Variants in COQ2 observed in about 807,000 individuals in gnomAD.
The protein encoded by COQ2 is coenzyme Q2, polyprenyltransferase.
In COQ2, 25 loss-of-function variants were observed where a neutral mutation model predicts 35.7. That is an observed-to-expected ratio of 0.70 (90% CI 0.51 to 0.98). The LOEUF is 0.98. Ranked by LOEUF, COQ2 falls within the 50% of genes least tolerant of loss-of-function variation. The probability of loss-of-function intolerance (pLI) is 0.00; values close to 1 mark genes in which losing one functional copy is unlikely to be tolerated. For synonymous variants in COQ2, 206 were observed against 186.2 expected, an observed-to-expected ratio of 1.11 and a Z score of -0.86; for missense variants, 488 against 473.5, an observed-to-expected ratio of 1.03 and a Z score of -0.28.
chr4:83,280,540 T>G, intron 1 of COQ2, among the ~76,000 whole-genome samples: 1 of 152,240 alleles, frequency 6.6e-6, no homozygotes, highest in Non-Finnish European at 1.5e-5. Flanking sequence ...GAAAGGGGGC[T>G]TCTGCCTTCA....
chr4:83,264,830 T>C (rs1161096065), intron 6 of COQ2, among the ~76,000 whole-genome samples: 1 of 152,186 alleles, frequency 6.6e-6, no homozygotes, highest in Non-Finnish European at 1.5e-5. Context: ...CTGCAACTCC[T>C]ACCCTCCAGT....
chr4:83,267,434 GC>G (rs1734946575), intron 6 of COQ2, among the ~76,000 whole-genome samples, 151 bp downstream of exon 6: 1 of 152,064 alleles, frequency 6.6e-6, no homozygotes, highest in South Asian at 2.1e-4. Context: ...ATAAGTTGAG[GC>G]CGGAGGGCAG....
intron 5 of COQ2, 124 bp downstream of exon 5, chr4:83,269,733 CCTT>C: frequency 1.1e-6 from 1 of 872,902 alleles, no homozygotes; most frequent in Non-Finnish European, 1.6e-6. Flanking sequence ...AATTCTTCCT[CCTT>C]AATTTGGTTC....
intron 4 of COQ2, among the ~76,000 whole-genome samples, chr4:83,271,828 G>A (rs1356890126): frequency 6.6e-6 from 1 of 152,062 alleles, no homozygotes; most frequent in Non-Finnish European, 1.5e-5. Context: ...AGAGGGGAGA[G>A]GAGAGTGTAG....
intron 2 of COQ2, among the ~76,000 whole-genome samples, chr4:83,274,247 G>A (rs138163323): frequency 1.1e-4 from 16 of 152,040 alleles, no homozygotes; most frequent in African/African-American, 3.6e-4. Context: ...AAATATTTAC[G>A]AAGTGGCACA....
Position 83,264,375 on chromosome 4 carries a change from G to C in COQ2, c.952-12C>G. On this transcript the variant is annotated splice_polypyrimidine_tract_variant and intron_variant, in intron 6 of 6. Coordinates refer to ENST00000647002, the MANE Select transcript of COQ2 (RefSeq NM_001358921.2). ...TCTAGAGTGTAAATCTGCAAGAGAGGAATACAAAGTTGTATTAATACCTAG... is the reference window on the plus strand; with the variant it reads ...TCTAGAGTGTAAATCTGCAAGAGAGCAATACAAAGTTGTATTAATACCTAG... 1 of 1,586,870 alleles carries C rather than the reference G, an allele frequency of 6.3e-7. No individual in the cohort carries two copies. The highest frequency in any genetic ancestry group is 1.2e-5 in the South Asian group (1 of 85,126).
intron 5 of COQ2, 83 bp from the exon 6 acceptor site, chr4:83,267,857 G>T: frequency 9.0e-7 from 1 of 1,106,032 alleles, no homozygotes; most frequent in East Asian, 3.0e-5. Context: ...ATCAGATTTA[G>T]TGTTTTTTTG....
chr4:83,271,178 CCAA>C (rs1466573713), intron 4 of COQ2, among the ~76,000 whole-genome samples: 2 of 152,156 alleles, frequency 1.3e-5, no homozygotes, highest in African/African-American at 4.8e-5. Context: ...TTTCTTTTCA[CCAA>C]CAAGTATGTA....
intron 2 of COQ2, among the ~76,000 whole-genome samples, chr4:83,274,604 T>A (rs183960205): frequency 2.0e-5 from 3 of 152,340 alleles, no homozygotes; most frequent in African/African-American, 7.2e-5. Context: ...CTTTCAAGAT[T>A]TTAAAATTTT....
chr4:83,274,285 C>T (rs1044391088), intron 2 of COQ2, among the ~76,000 whole-genome samples: 4 of 152,098 alleles, frequency 2.6e-5, no homozygotes, highest in Admixed American at 2.0e-4. Flanking sequence ...CCTCTGCCTC[C>T]CGGGTTCAAG....
rs548568168 is a variant in COQ2, at chr4:83,277,332, T to C, written c.420+1616A>G. Among the ~76,000 whole-genome samples, 133 of 152,282 alleles carry C rather than the reference T, an allele frequency of 8.7e-4. 1 individual carries two copies. Among genetic ancestry groups the C allele is most frequent in the African/African-American group, 3.0e-3 (125 of 41,556 alleles). The stretch of plus-strand genomic sequence containing the variant: ...TCCAGCCACACACAGACCATGTAGT[T>C]GCTGCTATCAAACGCATACTCATCT... On this transcript the variant is annotated intron_variant, in intron 2 of 6. Coordinates refer to ENST00000647002, the MANE Select transcript of COQ2 (RefSeq NM_001358921.2).
intron 2 of COQ2, among the ~76,000 whole-genome samples, chr4:83,274,064 G>A (rs1735110874): frequency 6.6e-6 from 1 of 151,858 alleles, no homozygotes; most frequent in South Asian, 2.1e-4. Flanking sequence ...GCTGAGGTAG[G>A]AGGATTGCTT....
intron 1 of COQ2, among the ~76,000 whole-genome samples, chr4:83,279,856 T>C (rs1392030034): frequency 1.7e-5 from 2 of 121,160 alleles, no homozygotes; most frequent in Non-Finnish European, 3.3e-5. Context: ...TTAGACGGTC[T>C]AGTCTTTTTT....
At chr4:83,272,874 C>T (rs1344029318) in intron 3 of COQ2, among the ~76,000 whole-genome samples, 1 of 152,166 alleles carries the variant, frequency 6.6e-6, no homozygotes, top group Admixed American at 6.5e-5. Flanking sequence ...AAATAACCTT[C>T]CAAAGGTATT....
At chr4:83,282,258 A>T (rs1326260463) in intron 1 of COQ2, among the ~76,000 whole-genome samples, 1 of 152,162 alleles carries the variant, frequency 6.6e-6, no homozygotes, top group Non-Finnish European at 1.5e-5. Flanking sequence ...GGAATAAGGT[A>T]GTTTAGCCCA....
intron 1 of COQ2, among the ~76,000 whole-genome samples, chr4:83,280,570 G>C (rs1030924738): frequency 6.6e-6 from 1 of 152,206 alleles, no homozygotes; most frequent in Admixed American, 6.5e-5. Context: ...TAAATCAAAA[G>C]AAAGAAATAC....
chr4:83,269,767 C>T (rs1321243335), intron 5 of COQ2, 93 bp downstream of exon 5: 9 of 1,138,538 alleles, frequency 7.9e-6, no homozygotes, highest in Non-Finnish European at 9.4e-6. Context: ...TAAAAAACAA[C>T]AACAAATTTT....
Position 83,284,580 on chromosome 4 carries a change from G to A in COQ2, c.185C>T (p.Ala62Val), listed in dbSNP as rs976113302. ...GGGGCGGGGCGCAGAGTCCACCACC[G>A]CCGCCGCGGACAAACTGAGCTGGCG... Reference protein sequence around the residue: ...RGRQLSLSAAAVVDSAPRPLQ... With the variant: ...RGRQLSLSAAVVVDSAPRPLQ... Residue 62 changes from alanine to valine, a missense_variant, in exon 1 of 7, where the codon GCG becomes GTG. Physicochemically the swap from Ala to Val is moderately conservative, Grantham distance 64. Transcript: ENST00000647002. 5.2e-6 allele frequency: 8 copies of A among 1,550,626 alleles called. No homozygotes were observed. Among genetic ancestry groups the A allele is most frequent in the Non-Finnish European group, 6.1e-6 (7 of 1,149,756 alleles).
At chr4:83,277,607 G>A (rs1215179838) in intron 2 of COQ2, among the ~76,000 whole-genome samples, 4 of 152,096 alleles carry the variant, frequency 2.6e-5, no homozygotes, top group East Asian at 3.8e-4. Flanking sequence ...GTATTTCATC[G>A]ATGCAATCCT....
Sources: gnomAD v4.1 joint callset for allele counts (sites outside exome capture counted in the v4.1 genomes callset) on GRCh38, gnomAD v4.1.1 for gene constraint, MANE v1.5 for transcripts, NCBI Gene and HGNC (gene_info 2026-07-23, HGNC 2026-07-21) for gene names.